The following SIGLEC15 variants were observed in gnomAD, a reference collection of about 807,000 sequenced individuals.
The protein encoded by SIGLEC15 is sialic acid binding Ig like lectin 15.
A neutral mutation model predicts 26.2 loss-of-function variants in SIGLEC15; 31 were observed. The ratio of observed to expected loss-of-function variants is 1.18; its 90% confidence interval spans 0.89 to 1.60. The LOEUF is 1.60. Among genes scored for constraint, SIGLEC15 ranks in the 40% most tolerant of loss-of-function variants. The pLI, the probability that SIGLEC15 is intolerant of heterozygous loss-of-function variation, is 0.00. For synonymous variants in SIGLEC15, 207 were observed against 221.9 expected, an observed-to-expected ratio of 0.93 and a Z score of 0.60; for missense variants, 501 against 488.4, an observed-to-expected ratio of 1.03 and a Z score of -0.24.
chr18:45,843,375 C>A lies in SIGLEC15; in HGVS notation c.*1188C>A, dbSNP rs2048341393. 1.3e-5 allele frequency: 2 copies of A among 152,226 alleles called. No individual in the cohort carries two copies. The highest frequency in any genetic ancestry group is 2.9e-5 in the Non-Finnish European group (2 of 68,080). The allele number at this position is 152,226 out of a possible 1,614,324, so 9.4% of individuals were successfully genotyped here. On this transcript the variant is annotated 3_prime_UTR_variant, in exon 6 of 6. Coordinates refer to ENST00000389474, the MANE Select transcript of SIGLEC15 (RefSeq NM_213602.3). ...GAGAGGAGGGAGGCATGCCTGGGTC[C>A]CAGGTAAGCTGGCAAGAGGAAAGGG...
intron 1 of SIGLEC15, among the ~76,000 whole-genome samples, chr18:45,828,777 G>A (rs1449447552): frequency 1.3e-5 from 2 of 152,170 alleles, no homozygotes; most frequent in African/African-American, 4.8e-5. Flanking sequence ...GGTGTGGAGA[G>A]CTATTTACTT....
intron 1 of SIGLEC15, among the ~76,000 whole-genome samples, chr18:45,830,583 C>CTTTCT (rs1555656127): frequency 8.3e-5 from 8 of 96,702 alleles, no homozygotes; most frequent in South Asian, 7.5e-4. Context: ...ATTTTTCTTT[C>CTTTCT]TTTTTTTTTT....
chr18:45,837,499 C>A lies in SIGLEC15; in HGVS notation c.113-14C>A, dbSNP rs1312494949. The A allele has an allele frequency of 6.8e-7, 1 of 1,470,652 alleles. No homozygotes were observed. Among genetic ancestry groups the A allele is most frequent in the Admixed American group, 2.6e-5 (1 of 38,320 alleles). The allele number at this position is 1,470,652 out of a possible 1,614,324, so 91.1% of individuals were successfully genotyped here. The stretch of plus-strand genomic sequence containing the variant: ...CCAGGGCCCCGAGCCTGACGCAGCC[C>A]GCCCCGCCCTCAGGCTCGCCAGCGC... On this transcript the variant is annotated splice_polypyrimidine_tract_variant and intron_variant, in intron 2 of 5. Transcript: ENST00000389474.
Position 45,825,784 on chromosome 18 carries a change from A to T in SIGLEC15, c.52+4A>T. ...TTGGCGTGGGTTCTCCCGACAGGTG[A>T]GTGTCTGCTACTCTCTCTGGCCCAT... On this transcript the variant is annotated splice_donor_region_variant and intron_variant, in intron 1 of 5. Coordinates refer to ENST00000389474, the MANE Select transcript of SIGLEC15 (RefSeq NM_213602.3). 6.2e-7 allele frequency: 1 copy of T among 1,614,184 alleles called. No individual in the cohort carries two copies.
chr18:45,828,750 G>A (rs1263527000), intron 1 of SIGLEC15, among the ~76,000 whole-genome samples: 2 of 152,316 alleles, frequency 1.3e-5, no homozygotes, highest in Middle Eastern at 3.4e-3. Flanking sequence ...AGTGGGCAGG[G>A]AGCCTGGGCA....
Position 45,837,019 on chromosome 18 carries a change from T to G in SIGLEC15, c.53-10T>G. 2 of 1,339,184 alleles carry G rather than the reference T, an allele frequency of 1.5e-6. No homozygotes were observed. Among genetic ancestry groups the G allele is most frequent in the East Asian group, 2.3e-5 (1 of 43,586 alleles). The allele number at this position is 1,339,184 out of a possible 1,614,324, so 83.0% of individuals were successfully genotyped here. On this transcript the variant is annotated splice_polypyrimidine_tract_variant and intron_variant, in intron 1 of 5. Coordinates refer to ENST00000389474, the MANE Select transcript of SIGLEC15 (RefSeq NM_213602.3). ...ACGTGTAACCCGGGGTTAACTGTGTTTATCTGTAGGCTCATTTGTGAGAAC... is the reference window on the plus strand; with the variant it reads ...ACGTGTAACCCGGGGTTAACTGTGTGTATCTGTAGGCTCATTTGTGAGAAC...
chr18:45,836,146 T>C (rs1435093759), intron 1 of SIGLEC15, among the ~76,000 whole-genome samples: 2 of 152,140 alleles, frequency 1.3e-5, no homozygotes, highest in African/African-American at 4.8e-5. Context: ...AAGGAGCAAA[T>C]TGGGCTAAAT....
At chr18:45,825,848 A>G in intron 1 of SIGLEC15, 68 bp downstream of exon 1, 2 of 1,584,860 alleles carry the variant, frequency 1.3e-6, no homozygotes, top group Non-Finnish European at 1.7e-6. Context: ...TCTTAGGTAC[A>G]GTCTCCCCTG....
At chr18:45,828,115 G>T (rs530645418) in intron 1 of SIGLEC15, among the ~76,000 whole-genome samples, 2 of 152,174 alleles carry the variant, frequency 1.3e-5, no homozygotes, top group African/African-American at 4.8e-5. Context: ...TCCAGGCCAC[G>T]GCCTGGGCAG....
At chr18:45,842,005 C>A in intron 5 of SIGLEC15, 101 bp from the exon 6 acceptor site, 2 of 1,101,610 alleles carry the variant, frequency 1.8e-6, no homozygotes, top group Admixed American at 3.5e-5. Flanking sequence ...GCACTGCTCC[C>A]CAGAATGTCT....
At chr18:45,828,937 G>A (rs1347095153) in intron 1 of SIGLEC15, 3 of 211,224 alleles carry the variant, frequency 1.4e-5, no homozygotes, top group Admixed American at 6.5e-5. Flanking sequence ...GAGGAAATGG[G>A]AGGGTTTAAT....
intron 1 of SIGLEC15, among the ~76,000 whole-genome samples, chr18:45,833,854 G>C (rs2048254545): frequency 6.6e-6 from 1 of 152,172 alleles, no homozygotes; most frequent in Admixed American, 6.5e-5. Flanking sequence ...TAGTAATGAA[G>C]CACATGACAT....
At position 45,838,964 on chromosome 18, in the gene SIGLEC15, C is replaced by G; in HGVS notation, c.743C>G (p.Ala248Gly). The G allele has an allele frequency of 2.5e-6, 4 of 1,604,000 alleles. No individual in the cohort carries two copies. Among genetic ancestry groups the G allele is most frequent in the Non-Finnish European group, 3.4e-6 (4 of 1,178,286 alleles). Residue 248 changes from alanine (A) to glycine (G), a missense_variant, in exon 4 of 6, where the codon GCC becomes GGC. By Grantham distance (60) the Ala-to-Gly change is moderately conservative (BLOSUM62 0). Coordinates refer to ENST00000389474, the MANE Select transcript of SIGLEC15 (RefSeq NM_213602.3). ...TAANSLGRSE[A>G]SVYLFRFHGA... The stretch of plus-strand genomic sequence containing the variant: ...GCCAACAGCCTGGGCCGCTCCGAGG[C>G]CAGCGTCTACCTGTTCCGCTTCCAT...
intron 1 of SIGLEC15, among the ~76,000 whole-genome samples, chr18:45,834,137 G>C (rs953485782): frequency 2.0e-5 from 3 of 152,112 alleles, no homozygotes; most frequent in African/African-American, 7.2e-5. Context: ...CTTTCTCAAG[G>C]CTCTGCTGAA....
chr18:45,837,196 G>T, intron 2 of SIGLEC15, 108 bp downstream of exon 2: 2 of 1,518,516 alleles, frequency 1.3e-6, no homozygotes, highest in Non-Finnish European at 8.8e-7. Context: ...AAAAACTAAG[G>T]GTAAGAATAT....
chr18:45,839,992 G>C (rs1449223790), intron 4 of SIGLEC15, among the ~76,000 whole-genome samples: 1 of 152,150 alleles, frequency 6.6e-6, no homozygotes, highest in East Asian at 1.9e-4. Flanking sequence ...GTGCTCAGAA[G>C]AACGGACTTT....
Position 45,838,713 on chromosome 18 carries a change from T to G in SIGLEC15, c.497-5T>G, listed in dbSNP as rs1383506061. On this transcript the variant is annotated splice_polypyrimidine_tract_variant and splice_region_variant and intron_variant, in intron 3 of 5. Coordinates refer to ENST00000389474, the MANE Select transcript of SIGLEC15 (RefSeq NM_213602.3). ...TGTGACAGTCACCCGCCTTCTCCCC[T>G]GCAGCCGCGCCGCGGATCGTCAACA... 8.9e-6 allele frequency: 14 copies of G among 1,568,770 alleles called. No homozygotes were observed. The highest frequency in any genetic ancestry group is 1.2e-5 in the Non-Finnish European group (14 of 1,167,038).
chr18:45,835,535 G>T (rs2145056217), intron 1 of SIGLEC15, among the ~76,000 whole-genome samples: 2 of 152,194 alleles, frequency 1.3e-5, no homozygotes, highest in East Asian at 1.9e-4. Context: ...GCCATGAAAT[G>T]TAACAAACTG....
At chr18:45,830,295 G>A (rs981837372) in intron 1 of SIGLEC15, among the ~76,000 whole-genome samples, 5 of 152,326 alleles carry the variant, frequency 3.3e-5, no homozygotes, top group African/African-American at 9.6e-5. Context: ...CTGTCTCCCT[G>A]GAGCTCTCTG....
Sources: gnomAD v4.1 joint callset for allele counts (sites outside exome capture counted in the v4.1 genomes callset) on GRCh38, gnomAD v4.1.1 for gene constraint, MANE v1.5 for transcripts, NCBI Gene and HGNC (gene_info 2026-07-23, HGNC 2026-07-21) for gene names.